Variants in DOK6 observed in about 807,000 individuals in gnomAD.
DOK6 encodes docking protein 6, also known as downstream of tyrosine kinase 6.
A neutral mutation model predicts 44.0 loss-of-function variants in DOK6; 22 were observed. That is an observed-to-expected ratio of 0.50 (90% CI 0.36 to 0.71). The LOEUF is 0.71. Ranked by LOEUF, DOK6 falls within the 30% of genes least tolerant of loss-of-function variation. DOK6 has a pLI of 0.00. For missense variants in DOK6, 340 were observed against 416.4 expected, an observed-to-expected ratio of 0.82 and a Z score of 1.60; for synonymous variants, 166 against 145.5, an observed-to-expected ratio of 1.14 and a Z score of -1.01.
chr18:69,689,860 T>C (rs1306003475), intron 4 of DOK6, among the ~76,000 whole-genome samples: 1 of 152,162 alleles, frequency 6.6e-6, no homozygotes, highest in Non-Finnish European at 1.5e-5. Context: ...AAATAAATTA[T>C]AGCACAGCTA....
At chr18:69,601,644 G>A (rs9965073) in intron 3 of DOK6, among the ~76,000 whole-genome samples, 2 of 152,154 alleles carry the variant, frequency 1.3e-5, no homozygotes, top group African/African-American at 4.8e-5. Flanking sequence ...ATTCTCCCTG[G>A]TGCGTTGGCT....
chr18:69,504,655 T>G (rs930842318), intron 1 of DOK6, among the ~76,000 whole-genome samples: 2 of 152,198 alleles, frequency 1.3e-5, no homozygotes, highest in African/African-American at 4.8e-5. Context: ...GAAATCTTTT[T>G]TCTTCAATAA....
chr18:69,705,526 G>T (rs553531527), intron 5 of DOK6, among the ~76,000 whole-genome samples: 3 of 152,286 alleles, frequency 2.0e-5, no homozygotes, highest in Non-Finnish European at 2.9e-5. Flanking sequence ...CCAGGGCAAA[G>T]AATTAACAGA....
intron 4 of DOK6, among the ~76,000 whole-genome samples, chr18:69,681,594 G>A (rs954203036): frequency 2.0e-5 from 3 of 152,114 alleles, no homozygotes; most frequent in African/African-American, 7.2e-5. Context: ...TCTGATTTCA[G>A]ATGACACTGC....
At chr18:69,822,431 T>C (rs370228707) in intron 7 of DOK6, among the ~76,000 whole-genome samples, 1 of 150,506 alleles carries the variant, frequency 6.6e-6, no homozygotes, top group African/African-American at 2.4e-5. Flanking sequence ...TGATGGCTAA[T>C]TGAATCCCAA....
At chr18:69,774,500 G>A (rs542379497) in intron 7 of DOK6, among the ~76,000 whole-genome samples, 11 of 151,748 alleles carry the variant, frequency 7.2e-5, no homozygotes, top group Middle Eastern at 3.4e-3. Context: ...AATAACCTAC[G>A]GAAATAAAAT....
In DOK6 at chr18:69,841,574, G is replaced by T. The variant is rs1479579393; in HGVS notation, c.*191G>T. On this transcript the variant is annotated 3_prime_UTR_variant, in exon 8 of 8. Transcript: ENST00000382713. ...TCAGTGGCTAAGTCCTTTATTTATT[G>T]AATTTCTTTGGGGGAATCTATGTTT... 10 of 645,326 alleles carry T rather than the reference G, an allele frequency of 1.5e-5. No homozygotes were observed. The African/African-American group carries it at 1.8e-4, about 12-fold the overall frequency. 40.0% of individuals were successfully genotyped at this position (645,326 alleles called of 1,614,324 possible). A position where few individuals can be genotyped will look rare whatever the true frequency, so the allele number is the denominator to read the frequency against.
chr18:69,457,064 T>C (rs1177207554), intron 1 of DOK6, among the ~76,000 whole-genome samples: 1 of 152,200 alleles, frequency 6.6e-6, no homozygotes, highest in Non-Finnish European at 1.5e-5. Context: ...GTTGGATGCA[T>C]AGTGTGTGAA....
rs566912544 is a variant in DOK6, at chr18:69,488,365, C to A, written c.67-76122C>A. On this transcript the variant is annotated intron_variant, in intron 1 of 7. Transcript: ENST00000382713. ...TCAGTCTTAACACTGGGTCTCCCTC[C>A]CTCTGTTTGGGCTGCTACCCACCAT... Among the ~76,000 whole-genome samples the A allele has an allele frequency of 4.6e-5, 7 of 152,278 alleles. No individual in the cohort carries two copies. The South Asian group carries it at 1.4e-3, about 32-fold the overall frequency.
chr18:69,694,835 T>G (rs1333123099), intron 4 of DOK6, among the ~76,000 whole-genome samples: 1 of 152,204 alleles, frequency 6.6e-6, no homozygotes, highest in African/African-American at 2.4e-5. Flanking sequence ...TTTAATAATG[T>G]TTTCTTGTTG....
chr18:69,593,210 T>A (rs1029111648), intron 2 of DOK6, among the ~76,000 whole-genome samples: 10 of 151,774 alleles, frequency 6.6e-5, no homozygotes, highest in Non-Finnish European at 1.0e-4. Flanking sequence ...ACAAAAAAAT[T>A]AAATTAAAAA....
At chr18:69,692,381 G>T (rs963835337) in intron 4 of DOK6, among the ~76,000 whole-genome samples, 3 of 152,298 alleles carry the variant, frequency 2.0e-5, no homozygotes, top group African/African-American at 2.4e-5. Flanking sequence ...GTGAGAGCAG[G>T]GTTGGAAGAA....
intron 1 of DOK6, among the ~76,000 whole-genome samples, chr18:69,544,954 C>A (rs1982363055): frequency 6.6e-6 from 1 of 151,010 alleles, no homozygotes; most frequent in African/African-American, 2.4e-5. Flanking sequence ...CATGGTGAAA[C>A]CCCATCTCTA....
chr18:69,636,052 A>G (rs1403634630), intron 3 of DOK6, among the ~76,000 whole-genome samples: 2 of 152,192 alleles, frequency 1.3e-5, no homozygotes, highest in African/African-American at 2.4e-5. Context: ...AGAGGTCTCC[A>G]GCAAGCCCCA....
chr18:69,409,679 A>G (rs147713692), intron 1 of DOK6, among the ~76,000 whole-genome samples: 2,935 of 152,252 alleles, frequency 0.019, 51 homozygotes, highest in Non-Finnish European at 0.025. Flanking sequence ...AATAGATGCA[A>G]TATTTGTCTA....
At position 69,619,743 on chromosome 18, in the gene DOK6, T is replaced by C. The variant is rs146972154; in HGVS notation, c.289+20245T>C. ...AATTGTATTTCTTGGCTTGAGAAGA[T>C]GTACATTGTAAATTAAGTGAAAAAT... On this transcript the variant is annotated intron_variant, in intron 3 of 7. Transcript: ENST00000382713. 1.2e-3 allele frequency among the ~76,000 whole-genome samples: 188 copies of C among 152,364 alleles called. 1 individual carries two copies. The highest frequency in any genetic ancestry group is 2.5e-3 in the Admixed American group (38 of 15,304).
At chr18:69,623,484 T>C (rs1411510032) in intron 3 of DOK6, among the ~76,000 whole-genome samples, 7 of 152,216 alleles carry the variant, frequency 4.6e-5, no homozygotes, top group South Asian at 4.1e-4. Flanking sequence ...AAATAATTAT[T>C]GAACATCTAT....
At chr18:69,678,805 T>A (rs539160381) in intron 4 of DOK6, among the ~76,000 whole-genome samples, 3 of 152,322 alleles carry the variant, frequency 2.0e-5, no homozygotes, top group South Asian at 4.1e-4. Context: ...AAATAGAAAC[T>A]TTTTAGTGTT....
chr18:69,413,753 A>T (rs887667002), intron 1 of DOK6, among the ~76,000 whole-genome samples: 1 of 152,044 alleles, frequency 6.6e-6, no homozygotes, highest in Non-Finnish European at 1.5e-5. Flanking sequence ...ATTTCATCTT[A>T]TTGAAATTAA....
Sources: allele counts gnomAD v4.1 joint callset (sites outside exome capture counted in the v4.1 genomes callset), GRCh38; gene constraint gnomAD v4.1.1; transcripts MANE v1.5; gene names NCBI Gene and HGNC (gene_info 2026-07-23, HGNC 2026-07-21).